Variants in ZNF609 observed in about 807,000 individuals in gnomAD.
ZNF609 encodes the protein zinc finger protein 609.
A neutral mutation model predicts 109.5 loss-of-function variants in ZNF609; 11 were observed. The ratio of observed to expected loss-of-function variants is 0.10; its 90% CI spans 0.06 to 0.17. The LOEUF (loss-of-function observed/expected upper bound fraction) is 0.17. Among genes scored for constraint, ZNF609 ranks in the 10% least tolerant of loss-of-function variants. The pLI is 1.00. For synonymous variants in ZNF609, 646 were observed against 662.0 expected (o/e 0.98, Z 0.37); for missense variants, 1,559 against 1,772.4 (o/e 0.88, Z 2.16).
intron 4 of ZNF609, among the ~76,000 whole-genome samples, chr15:64,672,962 C>CAA (rs554300308): frequency 0.051 from 5,001 of 98,510 alleles, 133 homozygotes; most frequent in Middle Eastern, 0.089. Context: ...GACTCCATCT[C>CAA]AAAAAAAAAA....
intron 1 of ZNF609, among the ~76,000 whole-genome samples, chr15:64,485,969 G>A (rs146204202): frequency 2.0e-5 from 3 of 152,080 alleles, no homozygotes; most frequent in Non-Finnish European, 2.9e-5. Flanking sequence ...TGTGTTTTCA[G>A]TTCTGTGCAG....
At chr15:64,582,210 C>T (rs1474169450) in intron 2 of ZNF609, among the ~76,000 whole-genome samples, 1 of 152,174 alleles carries the variant, frequency 6.6e-6, no homozygotes, top group African/African-American at 2.4e-5. Flanking sequence ...TCTATAGCCT[C>T]TTTCATACTA....
Position 64,675,722 on chromosome 15 carries a change from G to C in ZNF609, c.2868G>C (p.Gln956His). 2 of 1,614,200 alleles carry C rather than the reference G, an allele frequency of 1.2e-6. No homozygotes were observed. The highest frequency in any genetic ancestry group is 1.7e-6 in the Non-Finnish European group (2 of 1,180,050). ...AGCCCGAGCTGAGCAGTTCCAGTCA[G>C]CAGCCCTCGGTCATCCAGCAGCGTC... ...EKKPELSSSS[Q>H]QPSVIQQRPN... is the part of the protein sequence containing the mutation. Residue 956 changes from glutamine to histidine, a missense_variant, in exon 5 of 10, where the codon CAG (glutamine) becomes CAC (histidine). Transcript: ENST00000326648.
At chr15:64,553,178 G>T (rs1015688427) in intron 2 of ZNF609, among the ~76,000 whole-genome samples, 1 of 151,366 alleles carries the variant, frequency 6.6e-6, no homozygotes, top group South Asian at 2.1e-4. Flanking sequence ...GAAGTCATAT[G>T]ATTTAAATCT....
intron 2 of ZNF609, among the ~76,000 whole-genome samples, chr15:64,551,606 C>A (rs567026663): frequency 5.9e-5 from 8 of 136,104 alleles, no homozygotes; most frequent in African/African-American, 7.7e-5. Flanking sequence ...GAGCCGAGAT[C>A]GCGCCACTGC....
chr15:64,517,787 A>ATAT (rs746999020), intron 2 of ZNF609, among the ~76,000 whole-genome samples: 165 of 151,042 alleles, frequency 1.1e-3, no homozygotes, highest in Non-Finnish European at 2.1e-3. Flanking sequence ...TTATACATAT[A>ATAT]TATTATTATT....
At chr15:64,513,682 G>A (rs1174684628) in intron 2 of ZNF609, among the ~76,000 whole-genome samples, 1 of 152,174 alleles carries the variant, frequency 6.6e-6, no homozygotes, top group African/African-American at 2.4e-5. Flanking sequence ...GAGCTGACTT[G>A]TGTGAGAGCT....
intron 1 of ZNF609, among the ~76,000 whole-genome samples, chr15:64,498,614 G>GA (rs1300793489): frequency 6.6e-6 from 1 of 152,150 alleles, no homozygotes; most frequent in African/African-American, 2.4e-5. Flanking sequence ...ATAATAATTT[G>GA]AAACCTGGAG....
intron 3 of ZNF609, among the ~76,000 whole-genome samples, chr15:64,634,739 G>C (rs943944187): frequency 1.3e-5 from 2 of 152,084 alleles, no homozygotes; most frequent in African/African-American, 4.8e-5. Flanking sequence ...GAATCCCGAA[G>C]AAATAGCTCT....
chr15:64,493,607 C>T (rs545047098), intron 1 of ZNF609, among the ~76,000 whole-genome samples: 1 of 152,250 alleles, frequency 6.6e-6, no homozygotes, highest in Non-Finnish European at 1.5e-5. Context: ...GTACTGACAA[C>T]TCATGGTGGA....
At chr15:64,654,445 CTTCT>C (rs1246371073) in intron 3 of ZNF609, 3 of 152,026 alleles carry the variant, frequency 2.0e-5, no homozygotes, top group Non-Finnish European at 4.4e-5. Flanking sequence ...ACTTTACTCT[CTTCT>C]TTATTTATTT....
chr15:64,515,053 T>C (rs1893786865), intron 2 of ZNF609, among the ~76,000 whole-genome samples: 1 of 152,220 alleles, frequency 6.6e-6, no homozygotes, highest in Admixed American at 6.5e-5. Flanking sequence ...TATTTAGTTA[T>C]GCAGATTTAG....
At chr15:64,494,952 G>C (rs1292262842) in intron 1 of ZNF609, among the ~76,000 whole-genome samples, 1 of 152,132 alleles carries the variant, frequency 6.6e-6, no homozygotes, top group African/African-American at 2.4e-5. Context: ...ACTGTGCTCT[G>C]TAGTACATCC....
At chr15:64,536,726 C>A (rs1263261984) in intron 2 of ZNF609, among the ~76,000 whole-genome samples, 1 of 145,278 alleles carries the variant, frequency 6.9e-6, no homozygotes, top group Non-Finnish European at 1.5e-5. Context: ...AAATTCCACC[C>A]CCCCCCCCAA....
At chr15:64,659,493 G>A (rs561547833) in intron 3 of ZNF609, among the ~76,000 whole-genome samples, 2 of 152,274 alleles carry the variant, frequency 1.3e-5, no homozygotes, top group African/African-American at 4.8e-5. Flanking sequence ...TAGAGAGGTT[G>A]GTGATAAGGG....
At chr15:64,543,636 G>T (rs1412050448) in intron 2 of ZNF609, among the ~76,000 whole-genome samples, 2 of 151,808 alleles carry the variant, frequency 1.3e-5, no homozygotes, top group Non-Finnish European at 2.9e-5. Context: ...TAGAGACGGG[G>T]TTTCACTGTA....
At chr15:64,658,983 C>T (rs1054467365) in intron 3 of ZNF609, among the ~76,000 whole-genome samples, 4 of 151,754 alleles carry the variant, frequency 2.6e-5, no homozygotes, top group Admixed American at 6.6e-5. Context: ...TTAGTAGAGA[C>T]GGGGTTTCAC....
intron 2 of ZNF609, among the ~76,000 whole-genome samples, chr15:64,559,365 A>G (rs1327742614): frequency 6.6e-6 from 1 of 152,234 alleles, no homozygotes; most frequent in Non-Finnish European, 1.5e-5. Flanking sequence ...GAAATCCTCA[A>G]AGATAAAAAG....
intron 2 of ZNF609, among the ~76,000 whole-genome samples, chr15:64,556,144 C>T (rs1279896281): frequency 1.1e-5 from 1 of 93,512 alleles, no homozygotes; most frequent in Non-Finnish European, 2.4e-5. Flanking sequence ...GCACACACAC[C>T]ACACCTGGCC....
Sources: gnomAD v4.1 joint callset for allele counts (sites outside exome capture counted in the v4.1 genomes callset) on GRCh38, gnomAD v4.1.1 for gene constraint, MANE v1.5 for transcripts, NCBI Gene and HGNC (gene_info 2026-07-23, HGNC 2026-07-21) for gene names.